Variants in ADGRV1 observed in about 807,000 individuals in gnomAD.
ADGRV1 encodes adhesion G protein-coupled receptor V1.
Under a neutral mutation model 596.2 loss-of-function variants are expected in ADGRV1, and 359 were observed. That is an observed-to-expected ratio of 0.60 (90% confidence interval 0.55 to 0.66). ADGRV1 has a LOEUF of 0.66. ADGRV1 is among the 30% of genes least tolerant of loss of function. The pLI is 0.00. For missense variants in ADGRV1, 7,274 were observed against 7,575.6 expected, an observed-to-expected ratio of 0.96 and a Z score of 1.48; for synonymous variants, 2,681 against 2,679.2, an observed-to-expected ratio of 1.00 and a Z score of -0.02.
intron 21 of ADGRV1, among the ~76,000 whole-genome samples, chr5:90,666,445 T>A (rs1225110076): frequency 6.6e-6 from 1 of 151,994 alleles, no homozygotes; most frequent in Non-Finnish European, 1.5e-5. Context: ...ACACCTGCCT[T>A]TTTTTGTTTT....
At chr5:91,004,240 T>A (rs1379685919) in intron 85 of ADGRV1, among the ~76,000 whole-genome samples, 1 of 152,170 alleles carries the variant, frequency 6.6e-6, no homozygotes, top group Non-Finnish European at 1.5e-5. Flanking sequence ...CCTGCATGAA[T>A]GATAATATTC....
At chr5:90,836,714 T>C (rs1297410790) in intron 77 of ADGRV1, among the ~76,000 whole-genome samples, 1 of 152,228 alleles carries the variant, frequency 6.6e-6, no homozygotes, top group Non-Finnish European at 1.5e-5. Context: ...AAAATGTTAC[T>C]AATGAAGGAG....
chr5:90,963,509 G>T (rs552285345), intron 83 of ADGRV1, among the ~76,000 whole-genome samples: 195 of 151,980 alleles, frequency 1.3e-3, no homozygotes, highest in African/African-American at 4.6e-3. Flanking sequence ...GTATCAGATT[G>T]TCAGGAAATA....
Position 90,684,181 on chromosome 5 carries a change from TAC to T in ADGRV1, c.6262_6263del (p.Gln2088GlufsTer13), listed in dbSNP as rs1745312195. 3.7e-6 allele frequency: 6 copies of T among 1,610,352 alleles called. No homozygotes were observed. The highest frequency in any genetic ancestry group is 5.1e-6 in the Non-Finnish European group (6 of 1,177,874). ...CTCAACTCTACTTTAGTAGCGAAAGTACAGAGTCGTTCAAGTAAGTATCCCTT... is the reference window on the plus strand; with the variant it reads ...CTCAACTCTACTTTAGTAGCGAAAGTAGAGTCGTTCAAGTAAGTATCCCTT... On this transcript the variant is annotated frameshift_variant, in exon 28 of 90. Transcript: ENST00000405460. LOFTEE classifies it high-confidence loss of function.
intron 38 of ADGRV1, among the ~76,000 whole-genome samples, chr5:90,707,442 G>T (rs551661399): frequency 6.6e-6 from 1 of 152,152 alleles, no homozygotes; most frequent in Admixed American, 6.5e-5. Flanking sequence ...TATCTTGGAG[G>T]CTTGTGCTTT....
chr5:90,712,147 CA>C (rs1749447318), intron 41 of ADGRV1, 139 bp from the exon 42 acceptor site: 1 of 526,532 alleles, frequency 1.9e-6, no homozygotes, highest in Non-Finnish European at 3.2e-6. Context: ...AGATATAAAC[CA>C]AAATATAAGG....
chr5:90,927,024 T>A (rs1045556892), intron 83 of ADGRV1, among the ~76,000 whole-genome samples: 1 of 149,830 alleles, frequency 6.7e-6, no homozygotes, highest in Non-Finnish European at 1.5e-5. Context: ...TCTGTTCTTT[T>A]ACATTTGCTG....
chr5:90,643,814 C>G lies in ADGRV1; in HGVS notation c.2565C>G (p.His855Gln). The change falls in exon 14 of 90, where the codon CAC becomes CAG. Residue 855 changes from histidine (H) to glutamine (Q), a missense_variant. His to Gln is a conservative substitution (Grantham distance 24). Transcript: ENST00000405460. ...CACATTCACTTTAGTTGGATGAACA[C>G]TACTGGGTGGTCCTCAGCAGCCACG... is the stretch of plus-strand genomic sequence containing the variant. ...RLDGIPELDE[H>Q]YWVVLSSHGE... 1 of 1,606,690 alleles carries G rather than the reference C, an allele frequency of 6.2e-7. No homozygotes were observed. The highest frequency in any genetic ancestry group is 8.5e-7 in the Non-Finnish European group (1 of 1,176,002).
intron 86 of ADGRV1, among the ~76,000 whole-genome samples, chr5:91,096,141 G>C (rs1790842287): frequency 6.6e-6 from 1 of 152,272 alleles, no homozygotes; most frequent in African/African-American, 2.4e-5. Flanking sequence ...ATTCCAAATT[G>C]TTAGTATCAG....
intron 83 of ADGRV1, among the ~76,000 whole-genome samples, chr5:90,907,421 G>T (rs1003379732): frequency 2.0e-5 from 3 of 152,086 alleles, no homozygotes; most frequent in Admixed American, 1.3e-4. Context: ...GCTCTTCAGT[G>T]CCTCGAAAAC....
intron 1 of ADGRV1, among the ~76,000 whole-genome samples, chr5:90,600,147 A>G (rs1231571889): frequency 2.0e-5 from 3 of 152,126 alleles, no homozygotes; most frequent in Non-Finnish European, 2.9e-5. Flanking sequence ...TCATTTGAGC[A>G]TCACATATAT....
intron 85 of ADGRV1, among the ~76,000 whole-genome samples, chr5:91,055,271 A>G (rs897722100): frequency 6.6e-6 from 1 of 151,452 alleles, no homozygotes; most frequent in African/African-American, 2.4e-5. Context: ...TATATATATT[A>G]ACCAAACATT....
Position 91,000,601 on chromosome 5 carries a change from T to C in ADGRV1, c.18152+15079T>C, listed in dbSNP as rs894380932. ...TAGTAAATATTGTATATTAGGTTGA[T>C]GCAAAAGTAATTGTGGTTTTTGCCA... On this transcript the variant is annotated intron_variant, in intron 85 of 89. Coordinates refer to ENST00000405460, the MANE Select transcript of ADGRV1 (RefSeq NM_032119.4). Among the ~76,000 whole-genome samples the C allele has an allele frequency of 3.3e-5, 5 of 152,054 alleles. 1 individual carries two copies. Among genetic ancestry groups the C allele is most frequent in the Admixed American group, 2.0e-4 (3 of 15,250 alleles).
intron 3 of ADGRV1, 50 bp downstream of exon 3, chr5:90,618,003 C>T: frequency 3.6e-6 from 5 of 1,397,304 alleles, no homozygotes; most frequent in Non-Finnish European, 4.8e-6. Flanking sequence ...ACTTATAAAA[C>T]TTATAAAAAT....
chr5:90,954,848 G>A (rs1777336583), intron 83 of ADGRV1, among the ~76,000 whole-genome samples: 1 of 151,872 alleles, frequency 6.6e-6, no homozygotes, highest in Non-Finnish European at 1.5e-5. Context: ...TGAATTAATG[G>A]CACACACTGG....
chr5:90,643,793 T>A lies in ADGRV1; in HGVS notation c.2554-10T>A, dbSNP rs1327425338. 37 of 1,573,376 alleles carry A rather than the reference T, an allele frequency of 2.4e-5. No homozygotes were observed. The highest frequency in any genetic ancestry group is 3.0e-5 in the Non-Finnish European group (35 of 1,160,004). On this transcript the variant is annotated splice_polypyrimidine_tract_variant and intron_variant, in intron 13 of 89. Coordinates refer to ENST00000405460, the MANE Select transcript of ADGRV1 (RefSeq NM_032119.4). ...TTTATAATTTCCATACTTTGACACA[T>A]TCACTTTAGTTGGATGAACACTACT...
chr5:91,061,880 C>T (rs1787464954), intron 85 of ADGRV1, among the ~76,000 whole-genome samples: 1 of 152,232 alleles, frequency 6.6e-6, no homozygotes, highest in African/African-American at 2.4e-5. Context: ...TGTGTGTTCA[C>T]TCCCTTTTTC....
chr5:90,698,224 CAG>C (rs1207354669), intron 34 of ADGRV1, among the ~76,000 whole-genome samples: 6 of 152,116 alleles, frequency 3.9e-5, no homozygotes, highest in African/African-American at 1.4e-4. Flanking sequence ...TAACATAATA[CAG>C]AGTTACTGCA....
At chr5:90,947,156 C>G (rs1776646634) in intron 83 of ADGRV1, among the ~76,000 whole-genome samples, 1 of 152,108 alleles carries the variant, frequency 6.6e-6, no homozygotes, top group Admixed American at 6.6e-5. Flanking sequence ...TTGGTTGTTT[C>G]TTGACTTTTA....
Sources: allele counts gnomAD v4.1 joint callset (sites outside exome capture counted in the v4.1 genomes callset), GRCh38; gene constraint gnomAD v4.1.1; transcripts MANE v1.5; gene names NCBI Gene and HGNC (gene_info 2026-07-23, HGNC 2026-07-21).